The following KCND2 variants were observed in gnomAD, a reference collection of about 807,000 sequenced individuals.
KCND2 encodes the protein A-type voltage-gated potassium channel KCND2.
KCND2 carries 16 observed loss-of-function variants against 54.4 expected under a neutral mutation model. The observed-to-expected ratio is 0.29, with a 90% CI of 0.20 to 0.45. The LOEUF (loss-of-function observed/expected upper bound fraction) is 0.45. Among genes scored for constraint, KCND2 ranks in the 20% least tolerant of loss-of-function variants. KCND2 has a pLI of 1.00. For missense variants in KCND2, 486 were observed against 824.2 expected (o/e 0.59, Z 5.02); for synonymous variants, 317 against 310.7 (o/e 1.02, Z -0.21).
chr7:120,680,047 A>T (rs1189930976), intron 1 of KCND2, among the ~76,000 whole-genome samples: 2 of 152,092 alleles, frequency 1.3e-5, no homozygotes, highest in Non-Finnish European at 2.9e-5. Context: ...AATTTTAGAG[A>T]TGATTAATTT....
chr7:120,437,902 T>G lies in KCND2; in HGVS notation c.1115+162155T>G, dbSNP rs73724205. On this transcript the variant is annotated intron_variant, in intron 1 of 5. Transcript: ENST00000331113. ...TAAATTTTGAAGTGCCTCTGAGAAT[T>G]AATGCCTCTTGGATGATGCTCCCTA... 4.9e-3 allele frequency among the ~76,000 whole-genome samples: 745 copies of G among 152,310 alleles called. 6 individuals carry two copies. The highest frequency in any genetic ancestry group is 0.017 in the African/African-American group (704 of 41,578).
intron 1 of KCND2, among the ~76,000 whole-genome samples, chr7:120,555,490 A>AT (rs1465725950): frequency 1.3e-5 from 2 of 152,166 alleles, no homozygotes; most frequent in African/African-American, 4.8e-5. Flanking sequence ...GTAACAATTG[A>AT]TTGACAAAGC....
intron 1 of KCND2, among the ~76,000 whole-genome samples, chr7:120,327,258 A>G (rs1799991389): frequency 6.6e-6 from 1 of 152,106 alleles, no homozygotes; most frequent in Non-Finnish European, 1.5e-5. Context: ...GAGACTGCAG[A>G]TGGTATAACA....
At chr7:120,586,612 A>G (rs1366734942) in intron 1 of KCND2, among the ~76,000 whole-genome samples, 1 of 152,128 alleles carries the variant, frequency 6.6e-6, no homozygotes, top group African/African-American at 2.4e-5. Context: ...CACATTTTGT[A>G]GACTGTCAAA....
chr7:120,586,667 A>G (rs896356082), intron 1 of KCND2, among the ~76,000 whole-genome samples: 2 of 152,198 alleles, frequency 1.3e-5, no homozygotes, highest in Non-Finnish European at 2.9e-5. Flanking sequence ...TTTATTGTTA[A>G]GATTTTCACT....
intron 1 of KCND2, among the ~76,000 whole-genome samples, chr7:120,576,274 G>A (rs192613034): frequency 9.9e-5 from 15 of 152,170 alleles, no homozygotes; most frequent in African/African-American, 3.4e-4. Context: ...ACTAACACCA[G>A]CAATTAAATA....
Position 120,349,327 on chromosome 7 carries a change from A to AACACACACACACAC in KCND2, c.1115+73590_1115+73603dup, listed in dbSNP as rs145626165. Among the ~76,000 whole-genome samples the AACACACACACACAC allele has an allele frequency of 1.2e-4, 17 of 144,542 alleles. No individual in the cohort carries two copies. The East Asian group carries it at 2.6e-3, about 22-fold the overall frequency. 94.8% of individuals were successfully genotyped at this position (144,542 alleles called of 152,430 possible). A position where few individuals can be genotyped will look rare whatever the true frequency, so the allele number is the denominator to read the frequency against. ...ACACACAAACACACACACACACACA[A>AACACACACACACAC]ACACACACACACACACACACACAGA... On this transcript the variant is annotated intron_variant, in intron 1 of 5. Transcript: ENST00000331113.
At chr7:120,388,335 G>T (rs911931048) in intron 1 of KCND2, among the ~76,000 whole-genome samples, 2 of 152,056 alleles carry the variant, frequency 1.3e-5, no homozygotes, top group Non-Finnish European at 1.5e-5. Flanking sequence ...TTTAGTAGGA[G>T]ATATTTGGGT....
intron 1 of KCND2, among the ~76,000 whole-genome samples, chr7:120,337,483 G>C (rs1223333853): frequency 6.6e-6 from 1 of 152,170 alleles, no homozygotes; most frequent in Non-Finnish European, 1.5e-5. Flanking sequence ...ACTAGGGGCA[G>C]GAGACCTGGG....
chr7:120,496,733 C>T (rs1802853604), intron 1 of KCND2, among the ~76,000 whole-genome samples: 1 of 152,024 alleles, frequency 6.6e-6, no homozygotes, highest in South Asian at 2.1e-4. Flanking sequence ...CTTCTTAAAG[C>T]TTTTCTTAAT....
At chr7:120,504,218 A>G (rs1430945097) in intron 1 of KCND2, among the ~76,000 whole-genome samples, 1 of 151,996 alleles carries the variant, frequency 6.6e-6, no homozygotes, top group South Asian at 2.1e-4. Context: ...TAATGGTGCC[A>G]AAGTGGTATT....
At chr7:120,643,782 A>C (rs1364104320) in intron 1 of KCND2, among the ~76,000 whole-genome samples, 1 of 151,818 alleles carries the variant, frequency 6.6e-6, no homozygotes, top group East Asian at 1.9e-4. Context: ...AAACTATTTT[A>C]ACCATGAGTG....
intron 1 of KCND2, among the ~76,000 whole-genome samples, chr7:120,549,880 A>G (rs1792085483): frequency 6.6e-6 from 1 of 152,126 alleles, no homozygotes; most frequent in Non-Finnish European, 1.5e-5. Context: ...TCTTAACCTC[A>G]GCTATTGTAG....
intron 1 of KCND2, among the ~76,000 whole-genome samples, chr7:120,595,668 T>C (rs1428313279): frequency 2.0e-5 from 3 of 148,940 alleles, no homozygotes; most frequent in Admixed American, 1.4e-4. Context: ...AAATACTGCA[T>C]TGGGCTTACA....
chr7:120,575,592 G>C (rs1035389439), intron 1 of KCND2, among the ~76,000 whole-genome samples: 1 of 152,092 alleles, frequency 6.6e-6, no homozygotes, highest in Non-Finnish European at 1.5e-5. Flanking sequence ...ATCCAATCAA[G>C]TTGACAGTCA....
chr7:120,306,897 G>C (rs1296109763), intron 1 of KCND2, among the ~76,000 whole-genome samples: 1 of 152,022 alleles, frequency 6.6e-6, no homozygotes, highest in Non-Finnish European at 1.5e-5. Flanking sequence ...CATACAGATT[G>C]TGAACCCAAG....
intron 1 of KCND2, among the ~76,000 whole-genome samples, chr7:120,371,115 C>T (rs866727072): frequency 2.0e-5 from 3 of 151,980 alleles, no homozygotes; most frequent in South Asian, 2.1e-4. Flanking sequence ...CATGCCACAC[C>T]GTACACTTCC....
intron 1 of KCND2, among the ~76,000 whole-genome samples, chr7:120,674,327 AC>A (rs1384033964): frequency 5.9e-5 from 9 of 152,168 alleles, no homozygotes; most frequent in African/African-American, 2.2e-4. Context: ...CAGCCATGAG[AC>A]CTTTGTGTAT....
At chr7:120,335,175 CA>C (rs1800127920) in intron 1 of KCND2, among the ~76,000 whole-genome samples, 1 of 151,758 alleles carries the variant, frequency 6.6e-6, no homozygotes, top group African/African-American at 2.4e-5. Flanking sequence ...GACCAGACTG[CA>C]ACATGGTGAA....
Sources: allele counts gnomAD v4.1 joint callset (sites outside exome capture counted in the v4.1 genomes callset), GRCh38; gene constraint gnomAD v4.1.1; transcripts MANE v1.5; gene names NCBI Gene and HGNC (gene_info 2026-07-23, HGNC 2026-07-21).